The following AUH variants were observed in gnomAD, a reference collection of about 807,000 sequenced individuals.
AUH encodes the protein AU RNA binding methylglutaconyl-CoA hydratase.
Under a neutral mutation model 42.3 loss-of-function variants are expected in AUH, and 29 were observed. The observed-to-expected ratio is 0.69, with a 90% CI of 0.51 to 0.93. The LOEUF is 0.93. Among genes scored for constraint, AUH ranks in the 40% least tolerant of loss-of-function variants. AUH has a pLI of 0.00. For missense variants in AUH, 452 were observed against 438.1 expected (o/e 1.03, Z -0.28); for synonymous variants, 174 against 166.4 (o/e 1.05, Z -0.35).
In AUH at chr9:91,214,371, G is replaced by A. The variant is rs765064728; in HGVS notation, c.997C>T (p.Pro333Ser). 6.2e-7 allele frequency: 1 copy of A among 1,609,960 alleles called. No homozygotes were observed. ...EGLLAFKEKR[P>S]PRYKGE The stretch of plus-strand genomic sequence containing the variant: ...TTTTATTCTCCTTTATAGCGAGGGG[G>A]CCTTTTCTCTTTAAAAGCAAGAAGA... Residue 333 changes from proline (P) to serine (S), a missense_variant, in exon 10 of 10, where the codon CCC becomes TCC. Physicochemically the swap from Pro to Ser is moderately conservative, Grantham distance 74 (BLOSUM62 -1). Transcript: ENST00000375731.
rs751843192 is a variant in AUH, at chr9:91,361,658, G to A, written c.232C>T (p.Arg78Trp). 4 of 1,582,590 alleles carry A rather than the reference G, an allele frequency of 2.5e-6. No homozygotes were observed. Among genetic ancestry groups the A allele is most frequent in the Non-Finnish European group, 3.4e-6 (4 of 1,164,792 alleles). Residue 78 changes from arginine to tryptophan, a missense_variant, in exon 1 of 10, where the codon CGG (arginine) becomes TGG (tryptophan). Transcript: ENST00000375731. ...SSEMKTEDELRVRHLEEENRG... is the reference protein window; with the variant it reads ...SSEMKTEDELWVRHLEEENRG... ...TTCTCCTCCTCCAGGTGCCGCACCC[G>A]CAGCTCGTCCTCCGTCTTCATCTCA...
intron 6 of AUH, among the ~76,000 whole-genome samples, chr9:91,244,977 A>C (rs1169763063): frequency 1.3e-5 from 2 of 152,230 alleles, no homozygotes; most frequent in African/African-American, 4.8e-5. Flanking sequence ...CAAATTTAAA[A>C]TGTATATTGC....
At chr9:91,284,050 T>C (rs757501424) in intron 6 of AUH, among the ~76,000 whole-genome samples, 15 of 151,526 alleles carry the variant, frequency 9.9e-5, no homozygotes, top group South Asian at 2.1e-4. Flanking sequence ...TCATGCTACC[T>C]GACTTCAAAC....
rs1423043030 is a variant in AUH, at chr9:91,355,916, T to A, written c.385A>T (p.Ile129Phe). 3 of 1,613,426 alleles carry A rather than the reference T, an allele frequency of 1.9e-6. No homozygotes were observed. The Admixed American group carries it at 5.0e-5, about 27-fold the overall frequency. Residue 129 changes from isoleucine to phenylalanine, a missense_variant, in exon 3 of 10, where the codon ATC (isoleucine) becomes TTC (phenylalanine). Transcript: ENST00000375731. ...KSDKKVRTII[I>F]RSEVPGIFCA... is the part of the protein sequence containing the mutation. ...AATATCCCTGGGACTTCACTCCTGATTATTATGGTCCGTACTTTCTTATCA... is the reference window on the plus strand; with the variant it reads ...AATATCCCTGGGACTTCACTCCTGAATATTATGGTCCGTACTTTCTTATCA...
chr9:91,321,481 G>A (rs986947746), intron 4 of AUH, among the ~76,000 whole-genome samples: 9 of 151,956 alleles, frequency 5.9e-5, no homozygotes, highest in Non-Finnish European at 8.8e-5. Flanking sequence ...CTATCAAAGC[G>A]AAGACCTTAA....
chr9:91,316,627 C>T (rs193133863), intron 4 of AUH, among the ~76,000 whole-genome samples: 1 of 152,316 alleles, frequency 6.6e-6, no homozygotes, highest in Admixed American at 6.5e-5. Flanking sequence ...AGGTCTATGA[C>T]TACTACTGTG....
At chr9:91,214,523 A>G (rs1826714676) in intron 9 of AUH, 98 bp from the exon 10 acceptor site, 1 of 1,017,974 alleles carries the variant, frequency 9.8e-7, no homozygotes, top group South Asian at 1.5e-5. Flanking sequence ...CCACATTCTA[A>G]AATTTTGAAA....
At chr9:91,293,812 T>C (rs529656152) in intron 6 of AUH, among the ~76,000 whole-genome samples, 1 of 152,318 alleles carries the variant, frequency 6.6e-6, no homozygotes, top group South Asian at 2.1e-4. Context: ...AAGAAGATGT[T>C]ATCCAGGACT....
chr9:91,335,730 T>C (rs987217183), intron 3 of AUH, among the ~76,000 whole-genome samples: 1 of 152,226 alleles, frequency 6.6e-6, no homozygotes, highest in Non-Finnish European at 1.5e-5. Context: ...GCTTTCTAAT[T>C]TCCATTAAGA....
At chr9:91,250,013 G>GAAAA (rs200013936) in intron 6 of AUH, among the ~76,000 whole-genome samples, 1 of 126,328 alleles carries the variant, frequency 7.9e-6, no homozygotes, top group African/African-American at 2.8e-5. Context: ...TCCGTCTCAA[G>GAAAA]AAAAAAAAAA....
At chr9:91,321,070 T>C (rs962331925) in intron 4 of AUH, among the ~76,000 whole-genome samples, 2 of 152,202 alleles carry the variant, frequency 1.3e-5, no homozygotes, top group African/African-American at 2.4e-5. Flanking sequence ...ATGCAGCAAC[T>C]CTCTCTCTAG....
chr9:91,247,003 G>A lies in AUH; in HGVS notation c.656-26011C>T, dbSNP rs917149972. On this transcript the variant is annotated intron_variant, in intron 6 of 9. Transcript: ENST00000375731. Reference sequence around the variant, plus strand: ...ATACCCAAGGCCTTGTTAAGCCACAGTCAGCTGAGTCTTCTGTTACCTGCC... The same window carrying A: ...ATACCCAAGGCCTTGTTAAGCCACAATCAGCTGAGTCTTCTGTTACCTGCC... Among the ~76,000 whole-genome samples, 7 of 152,188 alleles carry A rather than the reference G, an allele frequency of 4.6e-5. 1 individual carries two copies. The highest frequency in any genetic ancestry group is 8.8e-5 in the Non-Finnish European group (6 of 68,028).
At chr9:91,286,081 T>A (rs1826382044) in intron 6 of AUH, among the ~76,000 whole-genome samples, 1 of 152,138 alleles carries the variant, frequency 6.6e-6, no homozygotes, top group Non-Finnish European at 1.5e-5. Context: ...TTTATGAAAA[T>A]CAAATTTACC....
Position 91,269,393 on chromosome 9 carries a change from G to T in AUH, c.655+26628C>A, listed in dbSNP as rs144977358. 3.9e-3 allele frequency among the ~76,000 whole-genome samples: 597 copies of T among 152,338 alleles called. 4 individuals are homozygous for T. Among genetic ancestry groups the T allele is most frequent in the Middle Eastern group, 0.02 (6 of 294 alleles). On this transcript the variant is annotated intron_variant, in intron 6 of 9. Coordinates refer to ENST00000375731, the MANE Select transcript of AUH (RefSeq NM_001698.3). ...TCTGGAAGGCCTACAGTGAAAATAT[G>T]ATAGAGACAGACAGTAGTCTAATAC...
At chr9:91,342,400 G>A (rs1427840942) in intron 3 of AUH, among the ~76,000 whole-genome samples, 1 of 152,188 alleles carries the variant, frequency 6.6e-6, no homozygotes, top group East Asian at 1.9e-4. Flanking sequence ...CATCTGCGAA[G>A]TTCCTGTTTC....
intron 6 of AUH, among the ~76,000 whole-genome samples, chr9:91,245,687 A>G (rs928772279): frequency 6.6e-6 from 1 of 152,130 alleles, no homozygotes; most frequent in African/African-American, 2.4e-5. Flanking sequence ...TATGGGCATT[A>G]TCTCATTCAA....
intron 6 of AUH, among the ~76,000 whole-genome samples, chr9:91,243,670 A>T (rs1189132172): frequency 6.6e-6 from 1 of 152,196 alleles, no homozygotes; most frequent in African/African-American, 2.4e-5. Flanking sequence ...GAGGGGCCTG[A>T]GCCGATGTGT....
At chr9:91,250,471 C>T (rs867956329) in intron 6 of AUH, among the ~76,000 whole-genome samples, 1 of 152,186 alleles carries the variant, frequency 6.6e-6, no homozygotes, top group Non-Finnish European at 1.5e-5. Flanking sequence ...TTTCCACACA[C>T]GGAGACAGGT....
intron 6 of AUH, among the ~76,000 whole-genome samples, chr9:91,280,279 T>C (rs1825863127): frequency 6.6e-6 from 1 of 152,232 alleles, no homozygotes; most frequent in African/African-American, 2.4e-5. Context: ...CTTTCTAGAC[T>C]GCTTAAAGTG....
Sources: gnomAD v4.1 joint callset for allele counts (sites outside exome capture counted in the v4.1 genomes callset) on GRCh38, gnomAD v4.1.1 for gene constraint, MANE v1.5 for transcripts, NCBI Gene and HGNC (gene_info 2026-07-23, HGNC 2026-07-21) for gene names.